Variants in DERL1 observed in about 807,000 individuals in gnomAD.
The protein encoded by DERL1 is derlin 1.
Under a neutral mutation model 41.6 loss-of-function variants are expected in DERL1, and 24 were observed. The ratio of observed to expected loss-of-function variants is 0.58; its 90% CI spans 0.42 to 0.81. The LOEUF is 0.81. DERL1 is among the 30% of genes least tolerant of loss of function. DERL1 has a pLI of 0.00. For missense variants in DERL1, 260 were observed against 314.3 expected (o/e 0.83, Z 1.31); for synonymous variants, 124 against 112.5 (o/e 1.10, Z -0.65).
intron 7 of DERL1, 36 bp downstream of exon 7, chr8:123,019,159 G>A (rs1814687819): frequency 7.1e-7 from 1 of 1,414,068 alleles, no homozygotes; most frequent in Non-Finnish European, 1.0e-6. Context: ...AACACAGGCA[G>A]TAAAATGTTA....
chr8:123,027,052 T>C (rs1011610606), intron 2 of DERL1, among the ~76,000 whole-genome samples: 36 of 152,058 alleles, frequency 2.4e-4, no homozygotes, highest in African/African-American at 7.5e-4. Context: ...TACCAGCACT[T>C]TGGGAGGCTG....
At position 123,041,995 on chromosome 8, in the gene DERL1, G is replaced by A. The variant is rs1007797134; in HGVS notation, c.128C>T (p.Pro43Leu). 1.9e-6 allele frequency: 3 copies of A among 1,613,276 alleles called. No individual in the cohort carries two copies. The highest frequency in any genetic ancestry group is 1.7e-4 in the Middle Eastern group (1 of 6,060). ...LISPAYLFLW[P>L]EAFLYRFQIW... is the part of the protein sequence containing the mutation. ...CTGAAAGCGATAAAGGAAGGCTTCG[G>A]GCCAGAGGAAGAGGTAGGCCGGGCT... The change falls in exon 1 of 8, where the codon CCC becomes CTC. Residue 43 changes from proline (P) to leucine (L), a missense_variant. Physicochemically the swap from Pro to Leu is moderately conservative, Grantham distance 98. Transcript: ENST00000259512.
At chr8:123,024,144 A>C (rs1171018801) in intron 3 of DERL1, among the ~76,000 whole-genome samples, 1 of 152,292 alleles carries the variant, frequency 6.6e-6, no homozygotes, top group Admixed American at 6.5e-5. Context: ...TCCGCATATG[A>C]CTTAGTCTGG....
At chr8:123,034,911 C>T (rs978799281) in intron 1 of DERL1, among the ~76,000 whole-genome samples, 1 of 152,178 alleles carries the variant, frequency 6.6e-6, no homozygotes, top group Non-Finnish European at 1.5e-5. Flanking sequence ...CCTTATCTTA[C>T]AGGATTTGTA....
rs1486576035 is a variant in DERL1 at position 123,030,632 on chromosome 8, A to G, written c.238T>C (p.Tyr80His). The G allele has an allele frequency of 1.2e-6, 2 of 1,609,586 alleles. No individual in the cohort carries two copies. Among genetic ancestry groups the G allele is most frequent in the African/African-American group, 2.7e-5 (2 of 74,730 alleles). The change falls in exon 2 of 8, where the codon TAT becomes CAT. Residue 80 changes from tyrosine to histidine, a missense_variant. Tyr to His is a moderately conservative substitution (Grantham distance 83). Coordinates refer to ENST00000259512, the MANE Select transcript of DERL1 (RefSeq NM_024295.6). Reference protein sequence around the residue: ...FLYLVNLYFLYQYSTRLETGA... With the variant: ...FLYLVNLYFLHQYSTRLETGA... ...GTTTCAAGTCGCGTAGAATACTGAT[A>G]TAAGAAATATAAATTGACCAAATAA...
rs777745287 is a variant in DERL1, at chr8:123,034,343, T to G, written c.154-3627A>C. 1.1e-4 allele frequency among the ~76,000 whole-genome samples: 17 copies of G among 152,338 alleles called. No homozygotes were observed. In the South Asian group the frequency reaches 2.5e-3, roughly 22 times the overall value. The stretch of plus-strand genomic sequence containing the variant: ...CATTTGGTTTGATTCATTCACAACT[T>G]TATCACAGAAACAGGATAGTTTAGT... On this transcript the variant is annotated intron_variant, in intron 1 of 7. Transcript: ENST00000259512.
rs746849899 is a variant in DERL1, at chr8:123,042,095, T to C, written c.28A>G (p.Ser10Gly). 1.2e-6 allele frequency: 2 copies of C among 1,612,670 alleles called. No individual in the cohort carries two copies. Among genetic ancestry groups the C allele is most frequent in the South Asian group, 1.1e-5 (1 of 91,000 alleles). MSDIGDWFR[S>G]IPAITRYWFA... Reference sequence around the variant, plus strand: ...CAATAGCGCGTGATCGCCGGGATGCTCCTGAACCAGTCTCCGATGTCCGAC... The same window carrying C: ...CAATAGCGCGTGATCGCCGGGATGCCCCTGAACCAGTCTCCGATGTCCGAC... The change falls in exon 1 of 8, where the codon AGC becomes GGC. Residue 10 changes from serine to glycine, a missense_variant. Transcript: ENST00000259512.
At chr8:123,027,510 A>G (rs13280996) in intron 2 of DERL1, among the ~76,000 whole-genome samples, 93,046 of 151,910 alleles carry the variant, frequency 0.61, 29,094 homozygotes, top group South Asian at 0.71. Flanking sequence ...TGTACCGTAC[A>G]TGAATTACAT....
At chr8:123,031,011 A>G (rs1025235297) in intron 1 of DERL1, among the ~76,000 whole-genome samples, 10 of 152,248 alleles carry the variant, frequency 6.6e-5, no homozygotes, top group African/African-American at 2.4e-4. Flanking sequence ...GAGATCAGGC[A>G]TACAATTAAG....
At chr8:123,033,379 A>G (rs1183899891) in intron 1 of DERL1, among the ~76,000 whole-genome samples, 6 of 152,192 alleles carry the variant, frequency 3.9e-5, no homozygotes, top group Non-Finnish European at 8.8e-5. Context: ...AGAGTTGTCT[A>G]TAGAGCTATC....
At chr8:123,040,244 A>C (rs1327453967) in intron 1 of DERL1, among the ~76,000 whole-genome samples, 3 of 152,184 alleles carry the variant, frequency 2.0e-5, no homozygotes, top group African/African-American at 7.2e-5. Context: ...AGAAAGAAAA[A>C]TGAAGGATAA....
In DERL1 at chr8:123,013,260, G is replaced by T. The variant is rs549267781; in HGVS notation, c.*2187C>A. ...AAAAAATACTGGGTACTTCCTAAAT[G>T]CTCTTCAAGAGATAATTGGTTACAC... On this transcript the variant is annotated 3_prime_UTR_variant, in exon 8 of 8. Coordinates refer to ENST00000259512, the MANE Select transcript of DERL1 (RefSeq NM_024295.6). The T allele has an allele frequency of 5.9e-5, 9 of 152,206 alleles. No individual in the cohort carries two copies. The highest frequency in any genetic ancestry group is 2.2e-4 in the African/African-American group (9 of 41,522). 9.4% of individuals were successfully genotyped at this position (152,206 alleles called of 1,614,324 possible). A position where few individuals can be genotyped will look rare whatever the true frequency, so the allele number is the denominator to read the frequency against.
chr8:123,015,438 G>A lies in DERL1; in HGVS notation c.*9C>T. 1 of 1,611,006 alleles carries A rather than the reference G, an allele frequency of 6.2e-7. No individual in the cohort carries two copies. The highest frequency in any genetic ancestry group is 1.1e-5 in the South Asian group (1 of 90,246). ...GGCTTGAGAGGAGCGGCTGCCCGAG[G>A]CCGCCCCTTCACTGGTCTCCAAGTC... On this transcript the variant is annotated 3_prime_UTR_variant, in exon 8 of 8. Transcript: ENST00000259512.
chr8:123,030,725 A>T lies in DERL1; in HGVS notation c.154-9T>A. ...GTGATTGGCCTCCAAATCTGTCCAG[A>T]TCAAAATAAACACAGCTGTTAGTTT... On this transcript the variant is annotated splice_polypyrimidine_tract_variant and intron_variant, in intron 1 of 7. Coordinates refer to ENST00000259512, the MANE Select transcript of DERL1 (RefSeq NM_024295.6). The T allele has an allele frequency of 6.3e-7, 1 of 1,576,006 alleles. No homozygotes were observed.
chr8:123,021,438 A>G lies in DERL1; in HGVS notation c.506+9T>C. ...TAGTTTCCAATTAAATAAATCTAATATCACTTACGAGCCTCCGATGATATA... is the reference window on the plus strand; with the variant it reads ...TAGTTTCCAATTAAATAAATCTAATGTCACTTACGAGCCTCCGATGATATA... On this transcript the variant is annotated intron_variant, in intron 6 of 7. Coordinates refer to ENST00000259512, the MANE Select transcript of DERL1 (RefSeq NM_024295.6). 6.2e-7 allele frequency: 1 copy of G among 1,611,388 alleles called. No individual in the cohort carries two copies. The highest frequency in any genetic ancestry group is 8.5e-7 in the Non-Finnish European group (1 of 1,177,614).
chr8:123,015,840 T>C (rs552169802), intron 7 of DERL1: 1 of 373,640 alleles, frequency 2.7e-6, no homozygotes, highest in African/African-American at 2.1e-5. Context: ...AACGTTTTTT[T>C]CTCTGCTTAT....
intron 2 of DERL1, among the ~76,000 whole-genome samples, chr8:123,028,484 G>A (rs1812752088): frequency 6.6e-6 from 1 of 152,128 alleles, no homozygotes; most frequent in African/African-American, 2.4e-5. Flanking sequence ...TGACTGCTTT[G>A]GCTTTTTTAG....
intron 4 of DERL1, among the ~76,000 whole-genome samples, 200 bp downstream of exon 4, chr8:123,023,513 C>A (rs1035910904): frequency 5.3e-5 from 8 of 152,108 alleles, no homozygotes; most frequent in Admixed American, 3.3e-4. Context: ...CAAGATCAAG[C>A]CACTGCACTC....
chr8:123,036,897 C>T (rs1193478735), intron 1 of DERL1, among the ~76,000 whole-genome samples: 2 of 152,134 alleles, frequency 1.3e-5, no homozygotes, highest in South Asian at 2.1e-4. Context: ...TAAGCAAAAG[C>T]TTGGCAAATA....
Sources: gnomAD v4.1 joint callset for allele counts (sites outside exome capture counted in the v4.1 genomes callset) on GRCh38, gnomAD v4.1.1 for gene constraint, MANE v1.5 for transcripts, NCBI Gene and HGNC (gene_info 2026-07-23, HGNC 2026-07-21) for gene names.